Variants in PBX1 observed in about 807,000 individuals in gnomAD.
PBX1 encodes PBX homeobox 1, also known as pre-B-cell leukemia transcription factor 1.
In PBX1, 6 loss-of-function variants were observed where a neutral mutation model predicts 53.4. That is an observed-to-expected ratio of 0.11 (90% CI 0.06 to 0.22). The LOEUF is 0.22. Ranked by LOEUF, PBX1 falls within the 10% of genes least tolerant of loss-of-function variation. The pLI, the probability that PBX1 is intolerant of heterozygous loss-of-function variation, is 1.00. For missense variants in PBX1, 251 were observed against 551.4 expected, an observed-to-expected ratio of 0.46 and a Z score of 5.46; for synonymous variants, 204 against 212.3, an observed-to-expected ratio of 0.96 and a Z score of 0.34.
At chr1:164,869,490 TC>T (rs1672297935) in intron 2 of PBX1, among the ~76,000 whole-genome samples, 1 of 152,146 alleles carries the variant, frequency 6.6e-6, no homozygotes, top group African/African-American at 2.4e-5. Flanking sequence ...CATTGAAGCT[TC>T]TGGGCCATGG....
chr1:164,579,747 A>G (rs1654483784), intron 2 of PBX1, among the ~76,000 whole-genome samples: 1 of 152,112 alleles, frequency 6.6e-6, no homozygotes, highest in South Asian at 2.1e-4. Flanking sequence ...TCATCCTGGA[A>G]TGAAACTGAA....
intron 2 of PBX1, among the ~76,000 whole-genome samples, chr1:164,746,996 A>T (rs1414723786): frequency 6.6e-6 from 1 of 152,102 alleles, no homozygotes; most frequent in Non-Finnish European, 1.5e-5. Context: ...AAATCACTGC[A>T]TTTTTTCATT....
intron 2 of PBX1, among the ~76,000 whole-genome samples, chr1:164,784,254 A>G (rs531607909): frequency 6.6e-6 from 1 of 152,268 alleles, no homozygotes; most frequent in Admixed American, 6.5e-5. Context: ...GCTCCTGTTT[A>G]GGCAAAGGGG....
In PBX1 at chr1:164,626,188, C is replaced by CAT. The variant is rs778964026; in HGVS notation, c.265+62878_265+62879dup. The CAT allele has an allele frequency of 1.9e-4, 148 of 783,344 alleles. 1 individual carries two copies. The highest frequency in any genetic ancestry group is 2.3e-4 in the Non-Finnish European group (144 of 636,084). 48.5% of individuals were successfully genotyped at this position (783,344 alleles called of 1,614,324 possible). On this transcript the variant is annotated intron_variant, in intron 2 of 8. Transcript: ENST00000420696. ...CCCTTTTATCTTTAAGGATTCATGACATGGGCTGCTGTTGAGGGAACCACA... is the reference window on the plus strand; with the variant it reads ...CCCTTTTATCTTTAAGGATTCATGACATATGGGCTGCTGTTGAGGGAACCACA...
intron 2 of PBX1, among the ~76,000 whole-genome samples, chr1:164,574,335 A>G (rs1016230973): frequency 1.3e-5 from 2 of 152,078 alleles, no homozygotes; most frequent in Non-Finnish European, 2.9e-5. Flanking sequence ...CACACTGACT[A>G]CCTCTGTGGT....
chr1:164,690,185 G>A (rs987030119), intron 2 of PBX1, among the ~76,000 whole-genome samples: 3 of 152,146 alleles, frequency 2.0e-5, no homozygotes, highest in Admixed American at 6.5e-5. Flanking sequence ...TCTGGAGGCC[G>A]CAGATTTTCA....
chr1:164,835,895 G>A (rs1671014220), intron 8 of PBX1, among the ~76,000 whole-genome samples: 2 of 152,142 alleles, frequency 1.3e-5, no homozygotes, highest in African/African-American at 2.4e-5. Context: ...ATCTGAACTA[G>A]CTTGACATTT....
chr1:164,617,884 A>C (rs1339275697), intron 2 of PBX1, among the ~76,000 whole-genome samples: 1 of 152,066 alleles, frequency 6.6e-6, no homozygotes, highest in African/African-American at 2.4e-5. Flanking sequence ...GTGCTTCCGC[A>C]TCTCTTGTCC....
In PBX1 at chr1:164,841,137, A is replaced by G. The variant is rs181001216; in HGVS notation, c.1201-5447A>G. On this transcript the variant is annotated intron_variant, in intron 8 of 8. Coordinates refer to ENST00000420696, the MANE Select transcript of PBX1 (RefSeq NM_002585.4). Reference sequence around the variant, plus strand: ...GCAGCACATGTGCTGTGACAGAGGCACATACATAGAACTGGGGGCCTGCAG... The same window carrying G: ...GCAGCACATGTGCTGTGACAGAGGCGCATACATAGAACTGGGGGCCTGCAG... 7.8e-4 allele frequency among the ~76,000 whole-genome samples: 119 copies of G among 152,316 alleles called. 1 individual carries two copies. The highest frequency in any genetic ancestry group is 1.4e-3 in the Non-Finnish European group (98 of 68,028).
chr1:164,800,897 T>C (rs958220799), intron 4 of PBX1, among the ~76,000 whole-genome samples: 6 of 152,214 alleles, frequency 3.9e-5, no homozygotes, highest in Admixed American at 3.3e-4. Flanking sequence ...TAATTTTGCC[T>C]CTTTTCAATG....
chr1:164,640,345 C>T (rs16833488), intron 2 of PBX1, among the ~76,000 whole-genome samples: 11,080 of 152,108 alleles, frequency 0.073, 495 homozygotes, highest in East Asian at 0.14. Flanking sequence ...CCTCAGTTTC[C>T]CCGGCTAGAA....
chr1:164,601,334 C>G (rs968573514), intron 2 of PBX1, among the ~76,000 whole-genome samples: 2 of 151,428 alleles, frequency 1.3e-5, no homozygotes, highest in African/African-American at 4.9e-5. Flanking sequence ...TTTAGAGTCC[C>G]TAAGCTAAGA....
At chr1:164,871,172 A>G (rs1057002647) in intron 2 of PBX1, among the ~76,000 whole-genome samples, 3 of 152,196 alleles carry the variant, frequency 2.0e-5, no homozygotes, top group Admixed American at 6.5e-5. Context: ...AGAAAAATGT[A>G]CTCATAGGAT....
intron 2 of PBX1, among the ~76,000 whole-genome samples, chr1:164,705,811 A>G (rs1458665692): frequency 1.3e-5 from 2 of 152,216 alleles, no homozygotes; most frequent in Non-Finnish European, 2.9e-5. Flanking sequence ...ACCTCTTCAG[A>G]AGGTTTTCAT....
chr1:164,702,941 C>G (rs1049466285), intron 2 of PBX1: 1 of 152,008 alleles, frequency 6.6e-6, no homozygotes, highest in Non-Finnish European at 1.5e-5. Flanking sequence ...ACTTATGGTG[C>G]CAGCTCCACT....
intron 2 of PBX1, among the ~76,000 whole-genome samples, chr1:164,721,138 A>G (rs1166553022): frequency 2.0e-5 from 3 of 152,198 alleles, no homozygotes; most frequent in African/African-American, 4.8e-5. Flanking sequence ...TCTAGGGTTC[A>G]TCGGAAACTG....
rs987584485 is a variant in PBX1 at position 164,848,378 on chromosome 1, G to A, written c.*1702G>A. The A allele has an allele frequency of 9.5e-7, 1 of 1,055,868 alleles. No individual in the cohort carries two copies. The highest frequency in any genetic ancestry group is 1.1e-6 in the Non-Finnish European group (1 of 873,312). 65.4% of individuals were successfully genotyped at this position (1,055,868 alleles called of 1,614,324 possible). On this transcript the variant is annotated 3_prime_UTR_variant, in exon 9 of 9. Transcript: ENST00000420696. Reference sequence around the variant, plus strand: ...TCATCTGTGAGATGGGAACTGTTATGCCTGGCTTACTAAGAGTCTTGTGAG... The same window carrying A: ...TCATCTGTGAGATGGGAACTGTTATACCTGGCTTACTAAGAGTCTTGTGAG...
chr1:164,789,797 C>T (rs986964100), intron 2 of PBX1, among the ~76,000 whole-genome samples: 2 of 152,112 alleles, frequency 1.3e-5, no homozygotes, highest in Non-Finnish European at 2.9e-5. Flanking sequence ...GCCTCAGCTT[C>T]GTGGGGAATG....
chr1:164,731,447 C>T (rs2102138256), intron 2 of PBX1, among the ~76,000 whole-genome samples: 1 of 152,276 alleles, frequency 6.6e-6, no homozygotes, highest in African/African-American at 2.4e-5. Flanking sequence ...AACCCAACCA[C>T]CCTGCTGGAT....
Sources: allele counts gnomAD v4.1 joint callset (sites outside exome capture counted in the v4.1 genomes callset), GRCh38; gene constraint gnomAD v4.1.1; transcripts MANE v1.5; gene names NCBI Gene and HGNC (gene_info 2026-07-23, HGNC 2026-07-21).